INSR: variants seen among roughly 807,000 people sequenced by gnomAD.
The protein encoded by INSR is IR.
A neutral mutation model predicts 142.6 loss-of-function variants in INSR; 67 were observed. The ratio of observed to expected loss-of-function variants is 0.47; its 90% CI spans 0.39 to 0.58. The LOEUF is 0.58. Among genes scored for constraint, INSR ranks in the 20% least tolerant of loss-of-function variants. The probability of loss-of-function intolerance (pLI) is 0.00; values close to 1 mark genes in which losing one functional copy is unlikely to be tolerated. For missense variants in INSR, 1,248 were observed against 1,833.2 expected, an observed-to-expected ratio of 0.68 and a Z score of 5.83; for synonymous variants, 756 against 743.1, an observed-to-expected ratio of 1.02 and a Z score of -0.28.
rs1491556271 is a variant in INSR, at chr19:7,230,820, AAT to A, written c.652+36523_652+36524del. ...GACTCCATCTCAAAAATAAAAAAAA[AAT>A]AAAAAATATTAGCTCAAGGCCTCCT... On this transcript the variant is annotated intron_variant, in intron 2 of 21. Transcript: ENST00000302850. Among the ~76,000 whole-genome samples, 77 of 151,408 alleles carry A rather than the reference AAT, an allele frequency of 5.1e-4. 5 individuals carry two copies. Among genetic ancestry groups the A allele is most frequent in the African/African-American group, 1.2e-3 (50 of 41,258 alleles).
intron 2 of INSR, among the ~76,000 whole-genome samples, chr19:7,187,732 C>T (rs769019513): frequency 1.3e-5 from 2 of 151,720 alleles, no homozygotes; most frequent in Non-Finnish European, 2.9e-5. Flanking sequence ...GCCACCACGC[C>T]CAGCTAAGTG....
chr19:7,202,988 G>T (rs57476618), intron 2 of INSR, among the ~76,000 whole-genome samples: 58,529 of 108,086 alleles, frequency 0.54, 11,865 homozygotes, highest in Admixed American at 0.57. Context: ...TTGGGGTGGG[G>T]TTTTGTTGTT....
chr19:7,153,474 ACACCACACACG>A lies in INSR; in HGVS notation c.2030-558_2030-548del, dbSNP rs1248795774. On this transcript the variant is annotated intron_variant, in intron 9 of 21. Coordinates refer to ENST00000302850, the MANE Select transcript of INSR (RefSeq NM_000208.4). ...CACACCCACGCCACACACCACACAC[ACACCACACACG>A]CACCACACACACACACAGTGAAGGG... Among the ~76,000 whole-genome samples, 879 of 90,462 alleles carry A rather than the reference ACACCACACACG, an allele frequency of 9.7e-3. 5 individuals carry two copies. The highest frequency in any genetic ancestry group is 0.019 in the African/African-American group (574 of 29,820). 59.3% of individuals were successfully genotyped at this position (90,462 alleles called of 152,430 possible).
At position 7,256,207 on chromosome 19, in the gene INSR, G is replaced by C. The variant is rs1287193703; in HGVS notation, c.652+11138C>G. Among the ~76,000 whole-genome samples, 6 of 152,286 alleles carry C rather than the reference G, an allele frequency of 3.9e-5. No homozygotes were observed. In the East Asian group the frequency reaches 1.2e-3, roughly 29 times the overall value. On this transcript the variant is annotated intron_variant, in intron 2 of 21. Coordinates refer to ENST00000302850, the MANE Select transcript of INSR (RefSeq NM_000208.4). ...AATCCCAGCGCTTTGGGAGGCCAAA[G>C]TGGGAGGATCACCTGAGGTCAGGAG...
Position 7,189,193 on chromosome 19 carries a change from A to T in INSR, c.653-4556T>A, listed in dbSNP as rs745436483. On this transcript the variant is annotated intron_variant, in intron 2 of 21. Transcript: ENST00000302850. ...GCAAGGAAACACACACACAAGAGGA[A>T]GGGGCTTGTTTCCTGGGCTGGAGCC... is the stretch of plus-strand genomic sequence containing the variant. 1.8e-4 allele frequency among the ~76,000 whole-genome samples: 27 copies of T among 152,296 alleles called. 1 individual carries two copies. The highest frequency in any genetic ancestry group is 9.2e-4 in the Admixed American group (14 of 15,280).
At chr19:7,220,184 A>G (rs1319932777) in intron 2 of INSR, among the ~76,000 whole-genome samples, 9 of 152,214 alleles carry the variant, frequency 5.9e-5, no homozygotes, top group African/African-American at 2.4e-5. Context: ...ATCTGGTTCT[A>G]TCTCCAGGAA....
chr19:7,231,288 G>GT (rs1975965166), intron 2 of INSR, among the ~76,000 whole-genome samples: 1 of 58,834 alleles, frequency 1.7e-5, no homozygotes, highest in East Asian at 4.0e-4. Context: ...TTTTGGTGGT[G>GT]TTTTTTGTTT....
Position 7,192,402 on chromosome 19 carries a change from G to C in INSR, c.653-7765C>G, listed in dbSNP as rs1974627604. ...TTCTTCTGGTGAGAGAGACCGCAAA[G>C]TGAAGACATTATGAAAGCCACGTGT... On this transcript the variant is annotated intron_variant, in intron 2 of 21. Transcript: ENST00000302850. The surrounding 1 kb of genome is among the most constrained non-coding windows in gnomAD (Gnocchi z 4.2). 1.3e-5 allele frequency among the ~76,000 whole-genome samples: 2 copies of C among 152,074 alleles called. No individual in the cohort carries two copies. The highest frequency in any genetic ancestry group is 2.9e-5 in the Non-Finnish European group (2 of 68,014).
intron 2 of INSR, among the ~76,000 whole-genome samples, chr19:7,255,440 C>T (rs144671332): frequency 3.5e-4 from 53 of 152,208 alleles, no homozygotes; most frequent in African/African-American, 1.2e-3. Flanking sequence ...GCCCACAAAA[C>T]GCCTCTTGGC....
intron 3 of INSR, among the ~76,000 whole-genome samples, chr19:7,179,845 C>T (rs1356294246): frequency 6.6e-6 from 1 of 152,148 alleles, no homozygotes; most frequent in Non-Finnish European, 1.5e-5. Context: ...TCTTTGCAGC[C>T]TCTCCCACCA....
At chr19:7,213,209 T>G (rs1975328509) in intron 2 of INSR, among the ~76,000 whole-genome samples, 1 of 151,660 alleles carries the variant, frequency 6.6e-6, no homozygotes, top group Non-Finnish European at 1.5e-5. Context: ...CTGGGCGTGG[T>G]GGAGCACGTC....
At chr19:7,177,905 A>G (rs892000455) in intron 3 of INSR, among the ~76,000 whole-genome samples, 1 of 151,862 alleles carries the variant, frequency 6.6e-6, no homozygotes, top group Non-Finnish European at 1.5e-5. Context: ...CCCAACTGTT[A>G]CAGTCTCCAT....
chr19:7,222,514 C>T (rs184581670), intron 2 of INSR, among the ~76,000 whole-genome samples: 1 of 152,276 alleles, frequency 6.6e-6, no homozygotes, highest in Non-Finnish European at 1.5e-5. Flanking sequence ...CTGCTTCAGC[C>T]TCTGGAGTAG....
intron 1 of INSR, among the ~76,000 whole-genome samples, chr19:7,282,363 T>C (rs943221122): frequency 2.8e-5 from 4 of 142,730 alleles, no homozygotes; most frequent in African/African-American, 1.1e-4. Context: ...CGACTCCATC[T>C]CAAAATAATA....
At position 7,166,077 on chromosome 19, in the gene INSR, A is replaced by C; in HGVS notation, c.1861+77T>G. On this transcript the variant is annotated intron_variant, in intron 8 of 21. Transcript: ENST00000302850. The surrounding 1 kb of genome is among the most constrained non-coding windows in gnomAD (Gnocchi z 4.1). ...ATAACCATATCAAGGAGCATTTTATACAACCTCACTGCATCAGCCTATTAA... is the reference window on the plus strand; with the variant it reads ...ATAACCATATCAAGGAGCATTTTATCCAACCTCACTGCATCAGCCTATTAA... 6.4e-7 allele frequency: 1 copy of C among 1,553,730 alleles called. No homozygotes were observed. Among genetic ancestry groups the C allele is most frequent in the Non-Finnish European group, 8.9e-7 (1 of 1,126,474 alleles).
At position 7,168,153 on chromosome 19, in the gene INSR, G is replaced by A; in HGVS notation, c.1484-59C>T. Reference sequence around the variant, plus strand: ...TATTTCAGTGTAGTTTCAGACCAAAGCCTGGGACCCCCACACTTCCTGGAG... The same window carrying A: ...TATTTCAGTGTAGTTTCAGACCAAAACCTGGGACCCCCACACTTCCTGGAG... On this transcript the variant is annotated intron_variant, in intron 6 of 21. Coordinates refer to ENST00000302850, the MANE Select transcript of INSR (RefSeq NM_000208.4). This position sits in a 1 kb window ranked among gnomAD's most constrained non-coding sequence, Gnocchi z 4.3. 1 of 1,577,370 alleles carries A rather than the reference G, an allele frequency of 6.3e-7. No homozygotes were observed.
At chr19:7,243,404 CCTGG>C in intron 2 of INSR, among the ~76,000 whole-genome samples, 1 of 152,080 alleles carries the variant, frequency 6.6e-6, no homozygotes, top group Non-Finnish European at 1.5e-5. Flanking sequence ...CGCCACCACA[CCTGG>C]CTAATTTTTG....
intron 12 of INSR, 31 bp from the exon 13 acceptor site, chr19:7,141,847 G>A: frequency 6.3e-7 from 1 of 1,578,680 alleles, no homozygotes; most frequent in Admixed American, 1.7e-5. Context: ...AGGCAGGGAT[G>A]TAACTCTTGG....
chr19:7,249,521 T>C (rs1976640822), intron 2 of INSR, among the ~76,000 whole-genome samples: 1 of 152,134 alleles, frequency 6.6e-6, no homozygotes, highest in South Asian at 2.1e-4. Context: ...CATATAGCTT[T>C]ATCACTCAAG....
Sources: gnomAD v4.1 joint callset for allele counts (sites outside exome capture counted in the v4.1 genomes callset) on GRCh38, gnomAD v4.1.1 for gene constraint, Gnocchi (gnomAD v3.1) non-coding constraint, MANE v1.5 for transcripts, NCBI Gene and HGNC (gene_info 2026-07-23, HGNC 2026-07-21) for gene names.